The following IQGAP1 variants were observed in gnomAD, a reference collection of about 807,000 sequenced individuals.
IQGAP1 encodes ras GTPase-activating-like protein IQGAP1.
Under a neutral mutation model 215.6 loss-of-function variants are expected in IQGAP1, and 66 were observed. That is an observed-to-expected ratio of 0.31 (90% confidence interval 0.25 to 0.38). The LOEUF is 0.38. Ranked by LOEUF, IQGAP1 falls within the 10% of genes least tolerant of loss-of-function variation. The pLI is 1.00. For missense variants in IQGAP1, 1,712 were observed against 1,997.1 expected, an observed-to-expected ratio of 0.86 and a Z score of 2.72; for synonymous variants, 772 against 728.7, an observed-to-expected ratio of 1.06 and a Z score of -0.96.
intron 9 of IQGAP1, among the ~76,000 whole-genome samples, chr15:90,446,601 A>G (rs185317888): frequency 6.4e-4 from 97 of 152,264 alleles, no homozygotes; most frequent in Middle Eastern, 3.4e-3. Context: ...GTCTTTTCCT[A>G]ATTGTAGAGA....
chr15:90,487,194 T>C, intron 32 of IQGAP1, 105 bp downstream of exon 32: 1 of 1,091,364 alleles, frequency 9.2e-7, no homozygotes. Flanking sequence ...TCCTGACCTC[T>C]CGTACTTGTC....
chr15:90,459,780 T>C (rs1965735895), intron 15 of IQGAP1, among the ~76,000 whole-genome samples: 1 of 152,192 alleles, frequency 6.6e-6, no homozygotes, highest in Non-Finnish European at 1.5e-5. Context: ...TGGGAGTGTT[T>C]TTAAAAATAT....
chr15:90,463,291 A>T (rs754297487), intron 15 of IQGAP1, among the ~76,000 whole-genome samples: 1 of 152,230 alleles, frequency 6.6e-6, no homozygotes, highest in African/African-American at 2.4e-5. Flanking sequence ...ACCTTTCTCA[A>T]TGCAAGGGAG....
chr15:90,474,458 C>A, intron 22 of IQGAP1, 27 bp from the exon 23 acceptor site: 2 of 1,555,836 alleles, frequency 1.3e-6, no homozygotes. Context: ...CTGCTAACTC[C>A]ATTCTTTGAT....
intron 5 of IQGAP1, among the ~76,000 whole-genome samples, chr15:90,434,451 A>C (rs954562322): frequency 6.6e-6 from 1 of 151,902 alleles, no homozygotes; most frequent in East Asian, 1.9e-4. Context: ...AAAAAATAAT[A>C]ATAATCATAA....
rs767791906 is a variant in IQGAP1 at position 90,483,602 on chromosome 15, AAAGGCAC to A, written c.3788+13_3788+19del. The A allele has an allele frequency of 5.7e-6, 9 of 1,577,456 alleles. No individual in the cohort carries two copies. Among genetic ancestry groups the A allele is most frequent in the Non-Finnish European group, 6.9e-6 (8 of 1,151,340 alleles). The stretch of plus-strand genomic sequence containing the variant: ...TCCTACCAGAAATTCAGGTAAGGGG[AAAGGCAC>A]AAGTGCTTAAGAGAGTCTGTGGATG... On this transcript the variant is annotated intron_variant, in intron 29 of 37. Transcript: ENST00000268182.
intron 9 of IQGAP1, among the ~76,000 whole-genome samples, chr15:90,446,245 G>A (rs1211064283): frequency 6.6e-6 from 1 of 152,012 alleles, no homozygotes; most frequent in African/African-American, 2.4e-5. Context: ...GTTTTACCTT[G>A]CTAATTGTAT....
At chr15:90,485,998 G>A (rs1032252572) in intron 30 of IQGAP1, 32 bp from the exon 31 acceptor site, 3 of 1,528,042 alleles carry the variant, frequency 2.0e-6, no homozygotes, top group Non-Finnish European at 2.7e-6. Flanking sequence ...AGAGTTGAAT[G>A]TATAAATGGA....
intron 2 of IQGAP1, among the ~76,000 whole-genome samples, chr15:90,421,023 C>T (rs938803434): frequency 2.0e-5 from 3 of 152,128 alleles, no homozygotes; most frequent in Non-Finnish European, 2.9e-5. Flanking sequence ...GTGTGCTGAT[C>T]CCAGCTACCC....
chr15:90,492,722 T>C lies in IQGAP1; in HGVS notation c.4628+11T>C. ...AGCCAGCAAGGGCAAGTGAGTATTT[T>C]TTCTTTTTAAAGAATCAATGTCAGA... On this transcript the variant is annotated intron_variant, in intron 35 of 37. Transcript: ENST00000268182. 1 of 1,596,092 alleles carries C rather than the reference T, an allele frequency of 6.3e-7. No individual in the cohort carries two copies. The highest frequency in any genetic ancestry group is 2.2e-5 in the East Asian group (1 of 44,692).
rs1964895481 is a variant in IQGAP1 at position 90,407,454 on chromosome 15, A to G, written c.155+16581A>G. Among the ~76,000 whole-genome samples the G allele has an allele frequency of 2.6e-5, 4 of 152,212 alleles. No individual in the cohort carries two copies. The South Asian group carries it at 8.3e-4, about 31-fold the overall frequency. On this transcript the variant is annotated intron_variant, in intron 2 of 37. Transcript: ENST00000268182. The stretch of plus-strand genomic sequence containing the variant: ...AGTTCATTTTGTCAGATGTGGTGCC[A>G]GGGGAACAGAACTAGACAATGGAAA...
At chr15:90,441,767 T>C in intron 8 of IQGAP1, 83 bp downstream of exon 8, 5 of 984,386 alleles carry the variant, frequency 5.1e-6, no homozygotes, top group Middle Eastern at 4.6e-4. Flanking sequence ...ATCAGTTTTA[T>C]TGAGATGCAG....
At chr15:90,418,724 T>G (rs1965089470) in intron 2 of IQGAP1, among the ~76,000 whole-genome samples, 1 of 152,196 alleles carries the variant, frequency 6.6e-6, no homozygotes, top group Non-Finnish European at 1.5e-5. Context: ...GGGTTGTTAA[T>G]GAGGTTATAT....
chr15:90,413,150 A>G (rs778965452), intron 2 of IQGAP1, among the ~76,000 whole-genome samples: 50 of 152,298 alleles, frequency 3.3e-4, no homozygotes, highest in African/African-American at 1.2e-3. Flanking sequence ...CAAGATAGAC[A>G]GGTATTATGT....
chr15:90,444,243 C>CTGTGTGTGTGTGTGTG (rs34494521), intron 9 of IQGAP1, among the ~76,000 whole-genome samples: 17 of 126,950 alleles, frequency 1.3e-4, no homozygotes, highest in African/African-American at 3.4e-4. Context: ...TCCTTCAAAA[C>CTGTGTGTGTGTGTGTG]TGTGTGTGTG....
intron 26 of IQGAP1, among the ~76,000 whole-genome samples, chr15:90,479,140 G>C (rs1159642243): frequency 6.6e-6 from 1 of 152,154 alleles, no homozygotes; most frequent in African/African-American, 2.4e-5. Context: ...TGGAGTAGCA[G>C]CTGTCCACAC....
intron 15 of IQGAP1, among the ~76,000 whole-genome samples, chr15:90,461,785 C>T (rs1375596481): frequency 6.6e-6 from 1 of 151,948 alleles, no homozygotes; most frequent in Non-Finnish European, 1.5e-5. Flanking sequence ...TGAGATCATA[C>T]CACTGCACTC....
intron 15 of IQGAP1, among the ~76,000 whole-genome samples, chr15:90,456,937 T>TAC (rs1325369449): frequency 3.6e-5 from 4 of 109,970 alleles, no homozygotes; most frequent in Non-Finnish European, 6.9e-5. Flanking sequence ...TATATATATA[T>TAC]ACGTATATAT....
intron 1 of IQGAP1, among the ~76,000 whole-genome samples, 187 bp from the exon 2 acceptor site, chr15:90,390,587 G>T (rs1204810704): frequency 6.6e-6 from 1 of 152,138 alleles, no homozygotes; most frequent in African/African-American, 2.4e-5. Context: ...AAAAGGTCAA[G>T]ATGATTATAG....
Sources: gnomAD v4.1 joint callset for allele counts (sites outside exome capture counted in the v4.1 genomes callset) on GRCh38, gnomAD v4.1.1 for gene constraint, MANE v1.5 for transcripts, NCBI Gene and HGNC (gene_info 2026-07-23, HGNC 2026-07-21) for gene names.